The following HAND2 variants were observed in gnomAD, a reference collection of about 807,000 sequenced individuals.
The protein encoded by HAND2 is heart and neural crest derivatives expressed 2.
Under a neutral mutation model 14.7 loss-of-function variants are expected in HAND2, and 2 were observed. The observed-to-expected ratio is 0.14, with a 90% CI of 0.06 to 0.43. HAND2 has a LOEUF of 0.43. Among genes scored for constraint, HAND2 ranks in the 20% least tolerant of loss-of-function variants. The pLI is 0.99. For missense variants in HAND2, 275 were observed against 313.6 expected, an observed-to-expected ratio of 0.88 and a Z score of 0.93; for synonymous variants, 162 against 135.9, an observed-to-expected ratio of 1.19 and a Z score of -1.34.
At position 173,526,707 on chromosome 4, in the gene HAND2, A is replaced by C. The variant is rs1185432555; in HGVS notation, c.*570T>G. 4 of 282,636 alleles carry C rather than the reference A, an allele frequency of 1.4e-5. No homozygotes were observed. The highest frequency in any genetic ancestry group is 1.2e-3 in the Middle Eastern group (1 of 816). 17.5% of individuals were successfully genotyped at this position (282,636 alleles called of 1,614,324 possible). A position where few individuals can be genotyped will look rare whatever the true frequency, so the allele number is the denominator to read the frequency against. On this transcript the variant is annotated 3_prime_UTR_variant, in exon 2 of 2. Coordinates refer to ENST00000359562, the MANE Select transcript of HAND2 (RefSeq NM_021973.3). ...TTAGTTTTAGAGGACGGAAGTGCACAAAACAAGTGGCTGTTGGAAACATCT... is the reference window on the plus strand; with the variant it reads ...TTAGTTTTAGAGGACGGAAGTGCACCAAACAAGTGGCTGTTGGAAACATCT...
rs1328933997 is a variant in HAND2, at chr4:173,528,003, A to C, written c.556-628T>G. ...GGGCACTTGGTAGGAATCTGAGAAA[A>C]TTTTAAGCGGCTCAATTTACTTTCG... On this transcript the variant is annotated intron_variant, in intron 1 of 1. Transcript: ENST00000359562. This position sits in a 1 kb window ranked among gnomAD's most constrained non-coding sequence, Gnocchi z 5.6. The C allele has an allele frequency of 2.6e-5, 4 of 154,530 alleles. No individual in the cohort carries two copies. The highest frequency in any genetic ancestry group is 5.7e-5 in the Non-Finnish European group (4 of 69,716). 9.6% of individuals were successfully genotyped at this position (154,530 alleles called of 1,614,324 possible).
At position 173,530,059 on chromosome 4, in the gene HAND2, C is replaced by G. The variant is rs1342414402; in HGVS notation, c.-770G>C. On this transcript the variant is annotated 5_prime_UTR_variant, in exon 1 of 2. Coordinates refer to ENST00000359562, the MANE Select transcript of HAND2 (RefSeq NM_021973.3). This position sits in a 1 kb window ranked among gnomAD's most constrained non-coding sequence, Gnocchi z 6.2. ...TTTCTCAGATCCTCTCCTTTCGGGGCAAGGATCTGGGGCCCTGAATGAGCC... is the reference window on the plus strand; with the variant it reads ...TTTCTCAGATCCTCTCCTTTCGGGGGAAGGATCTGGGGCCCTGAATGAGCC... 6.6e-6 allele frequency: 1 copy of G among 152,080 alleles called. No homozygotes were observed. The highest frequency in any genetic ancestry group is 1.9e-4 in the East Asian group (1 of 5,174). 9.4% of individuals were successfully genotyped at this position (152,080 alleles called of 1,614,324 possible).
Position 173,528,896 on chromosome 4 carries a change from C to T in HAND2, c.394G>A (p.Asp132Asn). The T allele has an allele frequency of 6.2e-7, 1 of 1,614,140 alleles. No homozygotes were observed. The highest frequency in any genetic ancestry group is 1.7e-5 in the Admixed American group (1 of 60,026). ...LRECIPNVPA[D>N]TKLSKIKTLR... ...GTCTTGATTTTGGAGAGTTTGGTGT[C>T]GGCGGGTACGTTGGGGATGCACTCG... The change falls in exon 1 of 2, where the codon GAC (aspartate) becomes AAC (asparagine). Residue 132 changes from aspartate (D) to asparagine (N), a missense_variant. Physicochemically the swap from Asp to Asn is conservative, Grantham distance 23. Transcript: ENST00000359562. This position sits in a 1 kb window ranked among gnomAD's most constrained non-coding sequence, Gnocchi z 5.6.
In HAND2 at chr4:173,529,376, T is replaced by G. The variant is rs1731625114; in HGVS notation, c.-87A>C. On this transcript the variant is annotated 5_prime_UTR_variant, in exon 1 of 2. Coordinates refer to ENST00000359562, the MANE Select transcript of HAND2 (RefSeq NM_021973.3). ...CGGGCCCCTGCCTCAGCGCTCGGCG[T>G]CCTCCCCCACCCCCCACCCCCCAGC... 12 of 993,280 alleles carry G rather than the reference T, an allele frequency of 1.2e-5. No homozygotes were observed. The highest frequency in any genetic ancestry group is 5.7e-5 in the African/African-American group (3 of 52,398). The allele number at this position is 993,280 out of a possible 1,614,324, so 61.5% of individuals were successfully genotyped here. A position where few individuals can be genotyped will look rare whatever the true frequency, so the allele number is the denominator to read the frequency against.
chr4:173,526,938 G>A lies in HAND2; in HGVS notation c.*339C>T. On this transcript the variant is annotated 3_prime_UTR_variant, in exon 2 of 2. Coordinates refer to ENST00000359562, the MANE Select transcript of HAND2 (RefSeq NM_021973.3). ...GAAGGGGTTGAGTAGGTTGGCGGGGGGCAACGCTGGTGTCTACACAGCCAA... is the reference window on the plus strand; with the variant it reads ...GAAGGGGTTGAGTAGGTTGGCGGGGAGCAACGCTGGTGTCTACACAGCCAA... 1 of 533,520 alleles carries A rather than the reference G, an allele frequency of 1.9e-6. No homozygotes were observed. Among genetic ancestry groups the A allele is most frequent in the Admixed American group, 2.2e-5 (1 of 44,792 alleles). The allele number at this position is 533,520 out of a possible 1,614,324, so 33.0% of individuals were successfully genotyped here.
Position 173,528,999 on chromosome 4 carries a change from C to G in HAND2, c.291G>C (p.Pro97=). ...AGPPGLGGPR[P]VKRRGTANRK... is the part of the protein sequence containing the mutation. ...GGTTGGCGGTGCCTCGGCGCTTCAC[C>G]GGGCGCGGCCCCCCCAGGCCCGGGG... The change falls in exon 1 of 2, where the codon CCG becomes CCC. Residue 97 remains proline, a synonymous_variant. Transcript: ENST00000359562. This position sits in a 1 kb window ranked among gnomAD's most constrained non-coding sequence, Gnocchi z 5.6. 1 of 1,609,496 alleles carries G rather than the reference C, an allele frequency of 6.2e-7. No individual in the cohort carries two copies. Among genetic ancestry groups the G allele is most frequent in the Non-Finnish European group, 8.5e-7 (1 of 1,178,056 alleles).
At position 173,528,964 on chromosome 4, in the gene HAND2, C is replaced by T; in HGVS notation, c.326G>A (p.Arg109Gln). Reference protein sequence around the residue: ...KRRGTANRKERRRTQSINSAF... With the variant: ...KRRGTANRKEQRRTQSINSAF... ...GCTGTTGATGCTCTGAGTCCTGCGC[C>T]GCTCCTTGCGGTTGGCGGTGCCTCG... The change falls in exon 1 of 2, where the codon CGG becomes CAG. Residue 109 changes from arginine to glutamine, a missense_variant. By Grantham distance (43) the Arg-to-Gln change is conservative. This residue lies in a region of HAND2 where 34 missense variants were observed against 77.9 expected (regional missense o/e 0.44). Transcript: ENST00000359562. The surrounding 1 kb of genome is among the most constrained non-coding windows in gnomAD (Gnocchi z 5.6). 6.2e-7 allele frequency: 1 copy of T among 1,613,610 alleles called. No homozygotes were observed. Among genetic ancestry groups the T allele is most frequent in the Non-Finnish European group, 8.5e-7 (1 of 1,179,824 alleles).
rs1441068243 is a variant in HAND2 at position 173,527,171 on chromosome 4, G to A, written c.*106C>T. The A allele has an allele frequency of 2.6e-6, 2 of 775,872 alleles. No individual in the cohort carries two copies. The highest frequency in any genetic ancestry group is 4.6e-6 in the Non-Finnish European group (2 of 432,238). The allele number at this position is 775,872 out of a possible 1,614,324, so 48.1% of individuals were successfully genotyped here. ...TAAACCGGATGATTCCAAATGCAAG[G>A]AGTCCTCAGAGCGGAGCGCGGACGG... On this transcript the variant is annotated 3_prime_UTR_variant, in exon 2 of 2. Coordinates refer to ENST00000359562, the MANE Select transcript of HAND2 (RefSeq NM_021973.3).
chr4:173,527,519 T>C, intron 1 of HAND2, 144 bp from the exon 2 acceptor site: 1 of 722,366 alleles, frequency 1.4e-6, no homozygotes, highest in Non-Finnish European at 2.5e-6. Flanking sequence ...TCCCAGCCCC[T>C]GCAGAGAAGC....
In HAND2 at chr4:173,529,381, C is replaced by G; in HGVS notation, c.-92G>C. 1.1e-6 allele frequency: 1 copy of G among 894,604 alleles called. No individual in the cohort carries two copies. The highest frequency in any genetic ancestry group is 1.4e-6 in the Non-Finnish European group (1 of 711,378). 55.4% of individuals were successfully genotyped at this position (894,604 alleles called of 1,614,324 possible). A position where few individuals can be genotyped will look rare whatever the true frequency, so the allele number is the denominator to read the frequency against. On this transcript the variant is annotated 5_prime_UTR_variant, in exon 1 of 2. Coordinates refer to ENST00000359562, the MANE Select transcript of HAND2 (RefSeq NM_021973.3). The stretch of plus-strand genomic sequence containing the variant: ...CCCTGCCTCAGCGCTCGGCGTCCTC[C>G]CCCACCCCCCACCCCCCAGCCCCCG...
At position 173,526,198 on chromosome 4, in the gene HAND2, A is replaced by G. The variant is rs10520260; in HGVS notation, c.*1079T>C. 0.27 allele frequency: 40,799 copies of G among 151,996 alleles called. 5,957 individuals are homozygous for G. Among genetic ancestry groups the G allele is most frequent in the Admixed American group, 0.35 (5,284 of 15,274 alleles). 9.4% of individuals were successfully genotyped at this position (151,996 alleles called of 1,614,324 possible). On this transcript the variant is annotated 3_prime_UTR_variant, in exon 2 of 2. Coordinates refer to ENST00000359562, the MANE Select transcript of HAND2 (RefSeq NM_021973.3). ...AACTCCTCCACCAGAAACACTCTCC[A>G]AACAAAAACTGACGGCCTCAAGAAA...
At position 173,529,003 on chromosome 4, in the gene HAND2, C is replaced by T. The variant is rs1284601345; in HGVS notation, c.287G>A (p.Arg96His). 2 of 1,609,272 alleles carry T rather than the reference C, an allele frequency of 1.2e-6. No individual in the cohort carries two copies. The highest frequency in any genetic ancestry group is 1.7e-6 in the Non-Finnish European group (2 of 1,177,950). ...GGCGGTGCCTCGGCGCTTCACCGGG[C>T]GCGGCCCCCCCAGGCCCGGGGGCCC... ...GAGPPGLGGP[R>H]PVKRRGTANR... Residue 96 changes from arginine (R) to histidine (H), a missense_variant, in exon 1 of 2, where the codon CGC becomes CAC. By Grantham distance (29) the Arg-to-His change is conservative. Around this residue, in one of 4 missense-constraint regions of HAND2, gnomAD observed 175 missense variants for 157.1 expected, o/e 1.11. Transcript: ENST00000359562.
chr4:173,527,708 C>A (rs1731502588), intron 1 of HAND2: 1 of 325,372 alleles, frequency 3.1e-6, no homozygotes, highest in Non-Finnish European at 5.8e-6. Flanking sequence ...AGTCTGGTTT[C>A]TCTGTTTTCA....
In HAND2 at chr4:173,527,357, T is replaced by G. The variant is rs377126398; in HGVS notation, c.574A>C (p.Thr192Pro). Reference protein sequence around the residue: ...KKELNEILKSTVSSNDKKTKG... With the variant: ...KKELNEILKSPVSSNDKKTKG... ...GTTTTCTTGTCGTTGCTGCTCACTG[T>G]GCTTTTCAAGATTTCGTTCTGGACA... is the stretch of plus-strand genomic sequence containing the variant. Residue 192 changes from threonine to proline, a missense_variant, in exon 2 of 2, where the codon ACA (threonine) becomes CCA (proline). Physicochemically the swap from Thr to Pro is conservative, Grantham distance 38. Coordinates refer to ENST00000359562, the MANE Select transcript of HAND2 (RefSeq NM_021973.3). 38 of 1,613,356 alleles carry G rather than the reference T, an allele frequency of 2.4e-5. No individual in the cohort carries two copies. The highest frequency in any genetic ancestry group is 3.0e-5 in the Non-Finnish European group (35 of 1,179,512).
Position 173,527,012 on chromosome 4 carries a change from C to G in HAND2, c.*265G>C, listed in dbSNP as rs1376182340. 1.6e-6 allele frequency: 1 copy of G among 635,600 alleles called. No homozygotes were observed. Among genetic ancestry groups the G allele is most frequent in the South Asian group, 1.5e-5 (1 of 66,124 alleles). The allele number at this position is 635,600 out of a possible 1,614,324, so 39.4% of individuals were successfully genotyped here. On this transcript the variant is annotated 3_prime_UTR_variant, in exon 2 of 2. Transcript: ENST00000359562. ...ATCTATGAGACGACGGGATCCCTTA[C>G]CACACGGGAGTGTCCTCTTCGTATT...
In HAND2 at chr4:173,529,371, C is replaced by T. The variant is rs1010235798; in HGVS notation, c.-82G>A. 3.7e-6 allele frequency: 4 copies of T among 1,084,050 alleles called. No individual in the cohort carries two copies. Among genetic ancestry groups the T allele is most frequent in the Non-Finnish European group, 4.6e-6 (4 of 862,698 alleles). The allele number at this position is 1,084,050 out of a possible 1,614,324, so 67.2% of individuals were successfully genotyped here. ...CGGCCCGGGCCCCTGCCTCAGCGCT[C>T]GGCGTCCTCCCCCACCCCCCACCCC... On this transcript the variant is annotated 5_prime_UTR_variant, in exon 1 of 2. Transcript: ENST00000359562.
Position 173,529,034 on chromosome 4 carries a change from C to G in HAND2, c.256G>C (p.Gly86Arg). 1 of 1,499,404 alleles carries G rather than the reference C, an allele frequency of 6.7e-7. No homozygotes were observed. Among genetic ancestry groups the G allele is most frequent in the Non-Finnish European group, 8.8e-7 (1 of 1,133,048 alleles). 92.9% of individuals were successfully genotyped at this position (1,499,404 alleles called of 1,614,324 possible). The change falls in exon 1 of 2, where the codon GGC becomes CGC. Residue 86 changes from glycine (G) to arginine (R), a missense_variant. By Grantham distance (125) the Gly-to-Arg change is moderately radical (BLOSUM62 -2). Transcript: ENST00000359562. ...CCCCCCAGGCCCGGGGGCCCGGCGCCCGGCGGCACCCCCCCGTAATGGGAG... is the reference window on the plus strand; with the variant it reads ...CCCCCCAGGCCCGGGGGCCCGGCGCGCGGCGGCACCCCCCCGTAATGGGAG... ...DHSHYGGVPP[G>R]AGPPGLGGPR...
Position 173,527,304 on chromosome 4 carries a change from G to A in HAND2, c.627C>T (p.His209=). 3 of 1,613,042 alleles carry A rather than the reference G, an allele frequency of 1.9e-6. No homozygotes were observed. The highest frequency in any genetic ancestry group is 1.1e-5 in the South Asian group (1 of 91,066). ...ACTGCTTGAGCTCCAGGGCCCAGACGTGCTGCGGCCAGCCCGTCCGGCCTT... is the reference window on the plus strand; with the variant it reads ...ACTGCTTGAGCTCCAGGGCCCAGACATGCTGCGGCCAGCCCGTCCGGCCTT... The part of the protein sequence containing the change: ...KTKGRTGWPQ[H]VWALELKQ The change falls in exon 2 of 2, where the codon CAC becomes CAT. Residue 209 remains histidine, a synonymous_variant. Coordinates refer to ENST00000359562, the MANE Select transcript of HAND2 (RefSeq NM_021973.3).
chr4:173,529,000 G>T lies in HAND2; in HGVS notation c.290C>A (p.Pro97Gln), dbSNP rs751803965. The T allele has an allele frequency of 1.2e-6, 2 of 1,609,956 alleles. No homozygotes were observed. Among genetic ancestry groups the T allele is most frequent in the South Asian group, 2.2e-5 (2 of 90,842 alleles). The change falls in exon 1 of 2, where the codon CCG (proline) becomes CAG (glutamine). Residue 97 changes from proline to glutamine, a missense_variant. Around this residue, in one of 4 missense-constraint regions of HAND2, gnomAD observed 175 missense variants for 157.1 expected, o/e 1.11. Coordinates refer to ENST00000359562, the MANE Select transcript of HAND2 (RefSeq NM_021973.3). The surrounding 1 kb of genome is among the most constrained non-coding windows in gnomAD (Gnocchi z 5.6). ...GTTGGCGGTGCCTCGGCGCTTCACC[G>T]GGCGCGGCCCCCCCAGGCCCGGGGG... Reference protein sequence around the residue: ...AGPPGLGGPRPVKRRGTANRK... With the variant: ...AGPPGLGGPRQVKRRGTANRK...
Sources: allele counts gnomAD v4.1 joint callset, GRCh38; gene constraint gnomAD v4.1.1; regional missense constraint gnomAD v4.1.1; non-coding constraint Gnocchi (gnomAD v3.1); transcripts MANE v1.5; gene names NCBI Gene and HGNC (gene_info 2026-07-23, HGNC 2026-07-21).